Variants in PAQR6 observed in about 807,000 individuals in gnomAD.
PAQR6 encodes the protein membrane progestin receptor delta.
Under a neutral mutation model 36.2 loss-of-function variants are expected in PAQR6, and 34 were observed. The ratio of observed to expected loss-of-function variants is 0.94; its 90% CI spans 0.71 to 1.25. The LOEUF (loss-of-function observed/expected upper bound fraction) is 1.25. Ranked by LOEUF, PAQR6 falls within the 50% of genes most tolerant of loss-of-function variation. The pLI is 0.00. For missense variants in PAQR6, 431 were observed against 445.7 expected, an observed-to-expected ratio of 0.97 and a Z score of 0.30; for synonymous variants, 190 against 190.7, an observed-to-expected ratio of 1.00 and a Z score of 0.03.
At position 156,245,996 on chromosome 1, in the gene PAQR6, G is replaced by C. The variant is rs1007203936; in HGVS notation, c.180-9C>G. On this transcript the variant is annotated splice_polypyrimidine_tract_variant and intron_variant, in intron 3 of 7. Transcript: ENST00000292291. Reference sequence around the variant, plus strand: ...GCCGCCACAGGAAGTACCTGCGGCGGGCGCGTGCTCAGGCCGCCGCGGACC... The same window carrying C: ...GCCGCCACAGGAAGTACCTGCGGCGCGCGCGTGCTCAGGCCGCCGCGGACC... 7.1e-5 allele frequency: 110 copies of C among 1,557,910 alleles called. No individual in the cohort carries two copies. The highest frequency in any genetic ancestry group is 8.9e-5 in the Non-Finnish European group (103 of 1,154,670).
At chr1:156,244,946 C>G (rs748954964) in intron 6 of PAQR6, 35 bp from the exon 7 acceptor site, 1 of 1,602,874 alleles carries the variant, frequency 6.2e-7, no homozygotes, top group South Asian at 1.1e-5. Context: ...TGGGGAGGGA[C>G]TCGGGAGCCG....
intron 3 of PAQR6, 56 bp downstream of exon 3, chr1:156,246,067 G>C: frequency 6.2e-7 from 1 of 1,604,040 alleles, no homozygotes; most frequent in East Asian, 2.2e-5. Context: ...GTCCCTGCCC[G>C]CCTGGGTACC....
intron 4 of PAQR6, 30 bp downstream of exon 4, chr1:156,245,752 A>G (rs747191688): frequency 2.5e-6 from 4 of 1,571,116 alleles, no homozygotes; most frequent in Non-Finnish European, 3.5e-6. Context: ...GGACGCCCAG[A>G]CCCCGCGCTC....
intron 7 of PAQR6, 39 bp from the exon 8 acceptor site, chr1:156,244,442 C>T (rs1334791756): frequency 6.9e-7 from 1 of 1,457,886 alleles, no homozygotes; most frequent in Non-Finnish European, 9.1e-7. Context: ...ACACCTTTCC[C>T]AGTGCAAGTC....
chr1:156,245,469 A>G (rs1291317117), intron 5 of PAQR6, 66 bp downstream of exon 5: 2 of 1,591,724 alleles, frequency 1.3e-6, no homozygotes, highest in Non-Finnish European at 1.7e-6. Context: ...GTTCGAGAGC[A>G]GTGAGGTGTG....
At chr1:156,246,586 A>C (rs1280810241) in intron 2 of PAQR6, 95 bp downstream of exon 2, 1 of 1,386,574 alleles carries the variant, frequency 7.2e-7, no homozygotes, top group Non-Finnish European at 9.9e-7. Flanking sequence ...CGCCTGCAGG[A>C]GGGGCTGCCC....
Position 156,244,908 on chromosome 1 carries a change from C to A in PAQR6, c.613G>T (p.Gly205Trp). ...CCGTGGCCCCTGCCCCAGCACAGCC[C>A]GAGCTGTCAAAGGAAAACCAAGGCT... The part of the protein sequence containing the change: ...FDNLPLFYRL[G>W]LCWGRGHGCG... Residue 205 changes from glycine (G) to tryptophan (W), a missense_variant, in exon 7 of 8, where the codon GGG becomes TGG. Physicochemically the swap from Gly to Trp is radical, Grantham distance 184 (BLOSUM62 -2). Transcript: ENST00000292291. 5 of 1,612,212 alleles carry A rather than the reference C, an allele frequency of 3.1e-6. No homozygotes were observed. Among genetic ancestry groups the A allele is most frequent in the Non-Finnish European group, 4.2e-6 (5 of 1,179,688 alleles).
intron 6 of PAQR6, 75 bp downstream of exon 6, chr1:156,245,067 C>T (rs1170570362): frequency 4.2e-5 from 68 of 1,602,232 alleles, no homozygotes; most frequent in Non-Finnish European, 5.5e-5. Flanking sequence ...ACTGAGGGGG[C>T]AGGGCTGGAA....
At chr1:156,244,733 TC>T in intron 7 of PAQR6, 27 bp downstream of exon 7, 1 of 1,613,710 alleles carries the variant, frequency 6.2e-7, no homozygotes, top group Non-Finnish European at 8.5e-7. Flanking sequence ...CCCTGCCTCT[TC>T]CCGGGCCGGG....
At chr1:156,246,949 G>A (rs1221185053) in intron 1 of PAQR6, among the ~76,000 whole-genome samples, 193 bp from the exon 2 acceptor site, 1 of 152,102 alleles carries the variant, frequency 6.6e-6, no homozygotes, top group Non-Finnish European at 1.5e-5. Context: ...TCCAACCCCT[G>A]TTCTCCTTGG....
At chr1:156,247,201 G>A (rs186347625) in intron 1 of PAQR6, among the ~76,000 whole-genome samples, 174 of 152,358 alleles carry the variant, frequency 1.1e-3, no homozygotes, top group Middle Eastern at 6.8e-3. Flanking sequence ...TTGGCACTCC[G>A]AATCTCTGGA....
At position 156,244,058 on chromosome 1, in the gene PAQR6, C is replaced by T; in HGVS notation, c.*71G>A. On this transcript the variant is annotated 3_prime_UTR_variant, in exon 8 of 8. Transcript: ENST00000292291. ...AGATGCGTCCCCACCTGATTAGGCC[C>T]AAATCTGGGCTCCTCGTCAGCACTG... is the stretch of plus-strand genomic sequence containing the variant. 1 of 1,613,942 alleles carries T rather than the reference C, an allele frequency of 6.2e-7. No individual in the cohort carries two copies. The highest frequency in any genetic ancestry group is 1.7e-5 in the Admixed American group (1 of 60,020).
Position 156,244,163 on chromosome 1 carries a change from G to T in PAQR6, c.1001C>A (p.Pro334Gln). Residue 334 changes from proline (P) to glutamine (Q), a missense_variant, in exon 8 of 8, where the codon CCA (proline) becomes CAA (glutamine). Physicochemically the swap from Pro to Gln is moderately conservative, Grantham distance 76. Transcript: ENST00000292291. ...TTTGGCCTGGGTACCCCCCTCCAGT[G>T]GGCCACCCTGCAGCAGAGGGCATGT... is the stretch of plus-strand genomic sequence containing the variant. ...PSTCPLLQGG[P>Q]LEGGTQAKQQ 1.2e-6 allele frequency: 2 copies of T among 1,606,166 alleles called. No homozygotes were observed. Among genetic ancestry groups the T allele is most frequent in the South Asian group, 1.1e-5 (1 of 90,780 alleles).
Position 156,243,339 on chromosome 1 carries a change from C to A in PAQR6, c.*790G>T. 9.0e-7 allele frequency: 1 copy of A among 1,111,120 alleles called. No individual in the cohort carries two copies. The highest frequency in any genetic ancestry group is 1.3e-6 in the Non-Finnish European group (1 of 797,216). The allele number at this position is 1,111,120 out of a possible 1,614,324, so 68.8% of individuals were successfully genotyped here. The stretch of plus-strand genomic sequence containing the variant: ...GGAATCTGTGGGCCTGTGAGTCTGT[C>A]CAGTTTATGGAGTGTGGGAGGGAGG... On this transcript the variant is annotated 3_prime_UTR_variant, in exon 8 of 8. Transcript: ENST00000292291.
intron 6 of PAQR6, 82 bp downstream of exon 6, chr1:156,245,060 G>A: frequency 6.2e-7 from 1 of 1,602,648 alleles, no homozygotes; most frequent in African/African-American, 1.3e-5. Flanking sequence ...GGCAGGGACT[G>A]AGGGGGCAGG....
chr1:156,244,286 A>AG lies in PAQR6; in HGVS notation c.877dup (p.Leu293ProfsTer58), dbSNP rs760079568. The AG allele has an allele frequency of 2.2e-5, 35 of 1,613,492 alleles. No individual in the cohort carries two copies. Among genetic ancestry groups the AG allele is most frequent in the Non-Finnish European group, 3.0e-5 (35 of 1,179,978 alleles). On this transcript the variant is annotated frameshift_variant, in exon 8 of 8. Transcript: ENST00000292291. LOFTEE classifies it high-confidence loss of function. ...TGTGGCCACTGTGCCTGCCAGGCCC[A>AG]GGGCAGGTTCCTGTGTGGCCAGCCA...
At chr1:156,246,607 AAGAGAAGAACGTCAGCCCCT>A in intron 2 of PAQR6, 54 bp downstream of exon 2, 1 of 1,526,036 alleles carries the variant, frequency 6.6e-7, no homozygotes, top group Non-Finnish European at 8.9e-7. Flanking sequence ...CAATAGCTAA[AAGAGAAGAACGTCAGCCCCT>A]AGTCAGTCCT....
At position 156,245,231 on chromosome 1, in the gene PAQR6, C is replaced by G; in HGVS notation, c.520G>C (p.Glu174Gln). The G allele has an allele frequency of 6.2e-7, 1 of 1,613,960 alleles. No homozygotes were observed. Among genetic ancestry groups the G allele is most frequent in the Non-Finnish European group, 8.5e-7 (1 of 1,179,942 alleles). The change falls in exon 6 of 8, where the codon GAG (glutamate) becomes CAG (glutamine). Residue 174 changes from glutamate (E) to glutamine (Q), a missense_variant. Coordinates refer to ENST00000292291, the MANE Select transcript of PAQR6 (RefSeq NM_198406.3). ...TGLSCYSRFL[E>Q]LESPGLSKVL... ...TTACTGAGCCCAGGGCTTTCCAGCT[C>G]CAGGAAACTGGGAGGCGGGAGGAAA...
At position 156,246,168 on chromosome 1, in the gene PAQR6, A is replaced by G; in HGVS notation, c.134T>C (p.Met45Thr). The change falls in exon 3 of 8, where the codon ATG (methionine) becomes ACG (threonine). Residue 45 changes from methionine to threonine, a missense_variant. By Grantham distance (81) the Met-to-Thr change is moderately conservative (BLOSUM62 -1). Coordinates refer to ENST00000292291, the MANE Select transcript of PAQR6 (RefSeq NM_198406.3). The stretch of plus-strand genomic sequence containing the variant: ...CCAGATGTTGACCGTCTCGTTGGTC[A>G]TCTGGAAGGAGCTGAGGACACAGTC... Reference protein sequence around the residue: ...ALDCVLSSFQMTNETVNIWTH... With the variant: ...ALDCVLSSFQTTNETVNIWTH... The G allele has an allele frequency of 1.2e-6, 2 of 1,613,490 alleles. No individual in the cohort carries two copies. Among genetic ancestry groups the G allele is most frequent in the Non-Finnish European group, 1.7e-6 (2 of 1,180,028 alleles).
Sources: allele counts gnomAD v4.1 joint callset (sites outside exome capture counted in the v4.1 genomes callset), GRCh38; gene constraint gnomAD v4.1.1; transcripts MANE v1.5; gene names NCBI Gene and HGNC (gene_info 2026-07-23, HGNC 2026-07-21).